The following OSBPL3 variants were observed in gnomAD, a reference collection of about 807,000 sequenced individuals.
OSBPL3 encodes the protein oxysterol binding protein like 3.
Under a neutral mutation model 120.1 loss-of-function variants are expected in OSBPL3, and 65 were observed. That is an observed-to-expected ratio of 0.54 (90% CI 0.44 to 0.67). OSBPL3 has a LOEUF of 0.67. Ranked by LOEUF, OSBPL3 falls within the 30% of genes least tolerant of loss-of-function variation. OSBPL3 has a pLI of 0.00. For missense variants in OSBPL3, 1,004 were observed against 1,082.1 expected, an observed-to-expected ratio of 0.93 and a Z score of 1.01; for synonymous variants, 416 against 402.6, an observed-to-expected ratio of 1.03 and a Z score of -0.40.
In OSBPL3 at chr7:24,964,056, CT is replaced by C. The variant is rs1816101823; in HGVS notation, c.-150+15829del. Among the ~76,000 whole-genome samples, 2 of 152,052 alleles carry C rather than the reference CT, an allele frequency of 1.3e-5. No homozygotes were observed. Among genetic ancestry groups the C allele is most frequent in the African/African-American group, 4.8e-5 (2 of 41,412 alleles). On this transcript the variant is annotated intron_variant, in intron 1 of 22. Transcript: ENST00000313367. This position sits in a 1 kb window ranked among gnomAD's most constrained non-coding sequence, Gnocchi z 4.2. ...ACTTCAGAAACAAAATAAAGTACTA[CT>C]AAATTATAATCCAAAGTATATAATA...
At chr7:24,941,943 T>C (rs538270363) in intron 1 of OSBPL3, among the ~76,000 whole-genome samples, 34 of 152,304 alleles carry the variant, frequency 2.2e-4, no homozygotes, top group African/African-American at 7.2e-4. Context: ...GCAGGCTGTA[T>C]AGTTACCAGT....
chr7:24,840,260 C>T (rs55799502), intron 14 of OSBPL3, among the ~76,000 whole-genome samples: 14,261 of 152,008 alleles, frequency 0.094, 771 homozygotes, highest in Non-Finnish European at 0.12. Flanking sequence ...AGGTTTGAAC[C>T]GCATCAGTCC....
intron 2 of OSBPL3, among the ~76,000 whole-genome samples, chr7:24,887,299 C>G (rs920067041): frequency 2.0e-5 from 3 of 152,068 alleles, no homozygotes; most frequent in African/African-American, 7.2e-5. Flanking sequence ...TTAGTTCCTA[C>G]AAGAAAAGTA....
intron 10 of OSBPL3, among the ~76,000 whole-genome samples, chr7:24,857,332 G>GA (rs1047016635): frequency 6.6e-6 from 1 of 152,164 alleles, no homozygotes; most frequent in African/African-American, 2.4e-5. Context: ...CTTCCATTCA[G>GA]AACACCTGAC....
intron 1 of OSBPL3, among the ~76,000 whole-genome samples, chr7:24,978,074 C>T (rs1260357483): frequency 1.3e-5 from 2 of 152,168 alleles, no homozygotes; most frequent in Non-Finnish European, 1.5e-5. Context: ...ACAATAGAGA[C>T]AAAATGGGCT....
intron 10 of OSBPL3, among the ~76,000 whole-genome samples, chr7:24,860,326 T>C (rs960448853): frequency 3.9e-5 from 6 of 152,200 alleles, no homozygotes; most frequent in African/African-American, 1.4e-4. Flanking sequence ...TTTGGCTGTG[T>C]CCCCACCCAA....
rs929632786 is a variant in OSBPL3 at position 24,933,124 on chromosome 7, G to A, written c.-149-40503C>T. ...GTAATAACAGGCCACGCACGCAGACGCCTGCAGAACTGGGACCCAGCTGAG... is the reference window on the plus strand; with the variant it reads ...GTAATAACAGGCCACGCACGCAGACACCTGCAGAACTGGGACCCAGCTGAG... On this transcript the variant is annotated intron_variant, in intron 1 of 22. Coordinates refer to ENST00000313367, the MANE Select transcript of OSBPL3 (RefSeq NM_015550.4). The surrounding 1 kb of genome is among the most constrained non-coding windows in gnomAD (Gnocchi z 5.1). Among the ~76,000 whole-genome samples, 1 of 152,206 alleles carries A rather than the reference G, an allele frequency of 6.6e-6. No homozygotes were observed. The highest frequency in any genetic ancestry group is 1.5e-5 in the Non-Finnish European group (1 of 68,024).
chr7:24,842,667 T>G (rs1797929642), intron 12 of OSBPL3, among the ~76,000 whole-genome samples: 1 of 152,206 alleles, frequency 6.6e-6, no homozygotes, highest in African/African-American at 2.4e-5. Context: ...AAAACAACTG[T>G]CCAGGTCACT....
chr7:24,885,460 CTG>C (rs776216997), intron 2 of OSBPL3, among the ~76,000 whole-genome samples: 1 of 152,066 alleles, frequency 6.6e-6, no homozygotes, highest in Non-Finnish European at 1.5e-5. Context: ...TCAGGTGACC[CTG>C]GGAGAGTTCA....
At chr7:24,861,323 T>A (rs1175963366) in intron 10 of OSBPL3, among the ~76,000 whole-genome samples, 1 of 152,296 alleles carries the variant, frequency 6.6e-6, no homozygotes, top group Middle Eastern at 3.4e-3. Flanking sequence ...GAAAATAATA[T>A]CATATTGCCC....
In OSBPL3 at chr7:24,855,967, T is replaced by C. The variant is rs781219116; in HGVS notation, c.1028-3333A>G. Among the ~76,000 whole-genome samples, 1 of 152,216 alleles carries C rather than the reference T, an allele frequency of 6.6e-6. No individual in the cohort carries two copies. Among genetic ancestry groups the C allele is most frequent in the Non-Finnish European group, 1.5e-5 (1 of 68,034 alleles). ...CGCCAAATGGTCTGCTGGCCCACGCTTGTCAGAGCACTTGCTATCTCCTAA... is the reference window on the plus strand; with the variant it reads ...CGCCAAATGGTCTGCTGGCCCACGCCTGTCAGAGCACTTGCTATCTCCTAA... On this transcript the variant is annotated intron_variant, in intron 10 of 22. Coordinates refer to ENST00000313367, the MANE Select transcript of OSBPL3 (RefSeq NM_015550.4). This position sits in a 1 kb window ranked among gnomAD's most constrained non-coding sequence, Gnocchi z 4.3.
chr7:24,850,224 A>G (rs1273075350), intron 11 of OSBPL3, among the ~76,000 whole-genome samples: 1 of 152,126 alleles, frequency 6.6e-6, no homozygotes, highest in African/African-American at 2.4e-5. Context: ...ATCATTCCTT[A>G]TCTCAACCTC....
chr7:24,816,761 A>C (rs1243216465), intron 17 of OSBPL3, 73 bp from the exon 18 acceptor site: 1 of 946,078 alleles, frequency 1.1e-6, no homozygotes, highest in Non-Finnish European at 1.8e-6. Flanking sequence ...AGGCTAGATA[A>C]ATGATCAATC....
chr7:24,882,938 G>A (rs2128313894), intron 2 of OSBPL3, among the ~76,000 whole-genome samples: 1 of 152,202 alleles, frequency 6.6e-6, no homozygotes, highest in South Asian at 2.1e-4. Context: ...TGTTGTTGTG[G>A]TTGAGCTGTT....
rs1796778075 is a variant in OSBPL3 at position 24,834,625 on chromosome 7, ATGT to A, written c.1604_1606del (p.Asn535del). 1 of 1,613,992 alleles carries A rather than the reference ATGT, an allele frequency of 6.2e-7. No homozygotes were observed. On this transcript the variant is annotated inframe_deletion, in exon 15 of 23. Coordinates refer to ENST00000313367, the MANE Select transcript of OSBPL3 (RefSeq NM_015550.4). This position sits in a 1 kb window ranked among gnomAD's most constrained non-coding sequence, Gnocchi z 5.2. The stretch of plus-strand genomic sequence containing the variant: ...GGCCACCTTGGACAGGTCCTTCCCG[ATGT>A]TGTTCCTCAGGATGTTCCACAGGCT...
In OSBPL3 at chr7:24,798,884, G is replaced by A. The variant is rs1372450712; in HGVS notation, c.*1299C>T. The A allele has an allele frequency of 2.6e-5, 4 of 152,568 alleles. No individual in the cohort carries two copies. The highest frequency in any genetic ancestry group is 5.9e-5 in the Non-Finnish European group (4 of 68,030). 9.5% of individuals were successfully genotyped at this position (152,568 alleles called of 1,614,324 possible). A position where few individuals can be genotyped will look rare whatever the true frequency, so the allele number is the denominator to read the frequency against. On this transcript the variant is annotated 3_prime_UTR_variant, in exon 23 of 23. Transcript: ENST00000313367. This position sits in a 1 kb window ranked among gnomAD's most constrained non-coding sequence, Gnocchi z 4.6. ...TTTTAATGTCATCTGGACAGAAGTT[G>A]GACATGCTTTGATAACACAATTCAA...
rs1029012780 is a variant in OSBPL3, at chr7:24,872,245, C to G, written c.97-176G>C. ...GTCCCTGGGCTTCACAGATTTAATT[C>G]TATAATTTAGTGGCATCAAATTTTG... On this transcript the variant is annotated intron_variant, in intron 2 of 22. Coordinates refer to ENST00000313367, the MANE Select transcript of OSBPL3 (RefSeq NM_015550.4). This position sits in a 1 kb window ranked among gnomAD's most constrained non-coding sequence, Gnocchi z 4.1. Among the ~76,000 whole-genome samples, 1 of 151,770 alleles carries G rather than the reference C, an allele frequency of 6.6e-6. No individual in the cohort carries two copies. The highest frequency in any genetic ancestry group is 1.9e-4 in the East Asian group (1 of 5,192).
rs911369970 is a variant in OSBPL3 at position 24,932,102 on chromosome 7, C to A, written c.-149-39481G>T. Among the ~76,000 whole-genome samples, 2 of 152,206 alleles carry A rather than the reference C, an allele frequency of 1.3e-5. No individual in the cohort carries two copies. Among genetic ancestry groups the A allele is most frequent in the African/African-American group, 4.8e-5 (2 of 41,450 alleles). ...GGCTTTCCCTACAGACTGGTTCAAA[C>A]CAGTGGTCAGTTTTCCCATAAACCA... On this transcript the variant is annotated intron_variant, in intron 1 of 22. Coordinates refer to ENST00000313367, the MANE Select transcript of OSBPL3 (RefSeq NM_015550.4). This position sits in a 1 kb window ranked among gnomAD's most constrained non-coding sequence, Gnocchi z 5.6.
intron 1 of OSBPL3, among the ~76,000 whole-genome samples, chr7:24,979,046 G>C (rs1817894792): frequency 6.6e-6 from 1 of 152,218 alleles, no homozygotes; most frequent in Admixed American, 6.5e-5. Context: ...GCAGCGCTAA[G>C]AGGCTGCCTG....
Sources: allele counts gnomAD v4.1 joint callset (sites outside exome capture counted in the v4.1 genomes callset), GRCh38; gene constraint gnomAD v4.1.1; non-coding constraint Gnocchi (gnomAD v3.1); transcripts MANE v1.5; gene names NCBI Gene and HGNC (gene_info 2026-07-23, HGNC 2026-07-21).